MORN1: variants seen among roughly 807,000 people sequenced by gnomAD.
The protein encoded by MORN1 is MORN repeat-containing protein 1.
In MORN1, 67 loss-of-function variants were observed where a neutral mutation model predicts 61.9. The observed-to-expected ratio is 1.08, with a 90% CI of 0.89 to 1.33. The LOEUF is 1.33. Among genes scored for constraint, MORN1 ranks in the 40% most tolerant of loss-of-function variants. The pLI, the probability that MORN1 is intolerant of heterozygous loss-of-function variation, is 0.00. For missense variants in MORN1, 752 were observed against 691.2 expected (o/e 1.09, Z -0.99); for synonymous variants, 301 against 292.0 (o/e 1.03, Z -0.31).
intron 10 of MORN1, among the ~76,000 whole-genome samples, chr1:2,347,671 G>A (rs959623533): frequency 8.5e-5 from 13 of 152,138 alleles, no homozygotes; most frequent in Admixed American, 3.3e-4. Flanking sequence ...CTGCCCGTGC[G>A]ATGCTCCCAG....
At chr1:2,341,025 G>A (rs964316005) in intron 10 of MORN1, among the ~76,000 whole-genome samples, 1 of 152,196 alleles carries the variant, frequency 6.6e-6, no homozygotes, top group Non-Finnish European at 1.5e-5. Context: ...GTCTCCACCC[G>A]GCCCCTCTGG....
chr1:2,323,190 G>T, intron 13 of MORN1: 1 of 985,414 alleles, frequency 1.0e-6, no homozygotes, highest in Non-Finnish European at 1.2e-6. Context: ...GACCACGGGG[G>T]ACACCGCGTG....
At chr1:2,344,204 G>T (rs1197598659) in intron 10 of MORN1, among the ~76,000 whole-genome samples, 2 of 152,194 alleles carry the variant, frequency 1.3e-5, no homozygotes, top group African/African-American at 4.8e-5. Flanking sequence ...GCGGCCTTAG[G>T]GGCCCTTCTT....
intron 10 of MORN1, among the ~76,000 whole-genome samples, chr1:2,346,217 GA>G (rs1005246589): frequency 7.9e-5 from 12 of 152,050 alleles, no homozygotes; most frequent in Non-Finnish European, 4.4e-5. Context: ...AACCTTCCCT[GA>G]AAGGCCTGGC....
At chr1:2,344,159 C>T (rs1316287534) in intron 10 of MORN1, among the ~76,000 whole-genome samples, 4 of 152,246 alleles carry the variant, frequency 2.6e-5, no homozygotes, top group East Asian at 1.9e-4. Flanking sequence ...CCCACAGCCA[C>T]GGCTGAGGAG....
chr1:2,348,847 G>T (rs1459853406), intron 10 of MORN1, among the ~76,000 whole-genome samples: 2 of 151,430 alleles, frequency 1.3e-5, no homozygotes, highest in Non-Finnish European at 2.9e-5. Flanking sequence ...ACACCTGCGC[G>T]GGCACGCACA....
At chr1:2,339,944 A>G (rs1641358279) in intron 10 of MORN1, among the ~76,000 whole-genome samples, 1 of 152,246 alleles carries the variant, frequency 6.6e-6, no homozygotes, top group South Asian at 2.1e-4. Flanking sequence ...GCTCCTGCTC[A>G]GGGCACCCTC....
At chr1:2,387,396 C>T (rs753979427) in intron 4 of MORN1, 23 bp downstream of exon 4, 1 of 1,575,522 alleles carries the variant, frequency 6.3e-7, no homozygotes, top group Non-Finnish European at 8.7e-7. Context: ...CCTCACAGCA[C>T]CCGGCTCCTG....
At chr1:2,322,813 A>C (rs930932928) in intron 13 of MORN1, 1 of 985,312 alleles carries the variant, frequency 1.0e-6, no homozygotes, top group Non-Finnish European at 1.2e-6. Flanking sequence ...GCCCGGCCAC[A>C]GGCCCCATCT....
At chr1:2,324,935 G>A (rs904500336) in intron 12 of MORN1, among the ~76,000 whole-genome samples, 3 of 151,096 alleles carry the variant, frequency 2.0e-5, no homozygotes, top group Non-Finnish European at 4.4e-5. Context: ...CGTGGCCATG[G>A]CCCTGGCGGG....
chr1:2,343,680 CAGAT>C (rs1474910226), intron 10 of MORN1, among the ~76,000 whole-genome samples: 2 of 152,204 alleles, frequency 1.3e-5, no homozygotes, highest in South Asian at 2.1e-4. Context: ...CCTGGGCTCT[CAGAT>C]AGACAGAGGC....
chr1:2,355,585 G>A, intron 10 of MORN1: 1 of 1,025,008 alleles, frequency 9.8e-7, no homozygotes, highest in Non-Finnish European at 1.5e-6. Flanking sequence ...CTCTTCCCAG[G>A]GCGGCCAGGG....
intron 13 of MORN1, chr1:2,323,830 C>T (rs1640937019): frequency 1.0e-6 from 1 of 985,300 alleles, no homozygotes; most frequent in South Asian, 4.7e-5. Flanking sequence ...CCCGTGGCTT[C>T]CTCCTTTCTA....
In MORN1 at chr1:2,321,746, A is replaced by G. The variant is rs537378744; in HGVS notation, c.1298-167T>C. On this transcript the variant is annotated intron_variant, in intron 13 of 13. Transcript: ENST00000378531. ...TGGCACTGTAACCACAGGACTGGCCACCGGACCGGTCCTGGGGGGCTGGAC... is the reference window on the plus strand; with the variant it reads ...TGGCACTGTAACCACAGGACTGGCCGCCGGACCGGTCCTGGGGGGCTGGAC... 3.9e-4 allele frequency among the ~76,000 whole-genome samples: 60 copies of G among 152,172 alleles called. 1 individual carries two copies. The East Asian group carries it at 0.011, about 27-fold the overall frequency.
In MORN1 at chr1:2,389,997, C is replaced by T. The variant is rs771683317; in HGVS notation, c.77-1G>A. On this transcript the variant is annotated splice_acceptor_variant, in intron 1 of 13. Coordinates refer to ENST00000378531, the MANE Select transcript of MORN1 (RefSeq NM_024848.3). LOFTEE classifies it high-confidence loss of function. ...TTTGGGTATACGTAGACACCATAACCTGAGTATTGAGAAGACACACACAGG... is the reference window on the plus strand; with the variant it reads ...TTTGGGTATACGTAGACACCATAACTTGAGTATTGAGAAGACACACACAGG... The T allele has an allele frequency of 1.2e-6, 2 of 1,613,258 alleles. No individual in the cohort carries two copies. Among genetic ancestry groups the T allele is most frequent in the Admixed American group, 1.7e-5 (1 of 60,020 alleles).
chr1:2,325,125 T>TCCTTCCTTTCCTC (rs1640982335), intron 12 of MORN1, among the ~76,000 whole-genome samples: 1 of 30,792 alleles, frequency 3.2e-5, no homozygotes, highest in Non-Finnish European at 5.8e-5. Context: ...TTCCTTCCCT[T>TCCTTCCTTTCCTC]CCTTCCTTCC....
At chr1:2,321,665 C>T (rs1343797784) in intron 13 of MORN1, 86 bp from the exon 14 acceptor site, 2 of 1,396,286 alleles carry the variant, frequency 1.4e-6, no homozygotes, top group African/African-American at 1.5e-5. Flanking sequence ...GTCTCATGTG[C>T]CCGCTGGCCC....
At chr1:2,384,297 G>A (rs1346202381) in intron 6 of MORN1, among the ~76,000 whole-genome samples, 3 of 152,134 alleles carry the variant, frequency 2.0e-5, no homozygotes, top group East Asian at 1.9e-4. Context: ...CAAGTCTGGT[G>A]TCCTCTCCTC....
chr1:2,367,651 T>G (rs1026999615), intron 8 of MORN1, among the ~76,000 whole-genome samples: 2 of 152,184 alleles, frequency 1.3e-5, no homozygotes, highest in African/African-American at 4.8e-5. Flanking sequence ...TATGTCATTT[T>G]TTTTTGAGAT....
Sources: gnomAD v4.1 joint callset for allele counts (sites outside exome capture counted in the v4.1 genomes callset) on GRCh38, gnomAD v4.1.1 for gene constraint, MANE v1.5 for transcripts, NCBI Gene and HGNC (gene_info 2026-07-23, HGNC 2026-07-21) for gene names.